Variants in PRKCH observed in about 807,000 individuals in gnomAD.
PRKCH encodes the protein protein kinase C eta, also known as protein kinase C eta type.
In PRKCH, 28 loss-of-function variants were observed where a neutral mutation model predicts 82.5. The ratio of observed to expected loss-of-function variants is 0.34; its 90% CI spans 0.25 to 0.47. The LOEUF is 0.47. Among genes scored for constraint, PRKCH ranks in the 20% least tolerant of loss-of-function variants. The pLI, the probability that PRKCH is intolerant of heterozygous loss-of-function variation, is 1.00. For missense variants in PRKCH, 705 were observed against 881.8 expected, an observed-to-expected ratio of 0.80 and a Z score of 2.54; for synonymous variants, 322 against 327.4, an observed-to-expected ratio of 0.98 and a Z score of 0.18.
chr14:61,385,505 C>T (rs370004387), intron 1 of PRKCH, among the ~76,000 whole-genome samples: 4 of 152,314 alleles, frequency 2.6e-5, no homozygotes, highest in African/African-American at 7.2e-5. Flanking sequence ...CAGCCTGGGT[C>T]ACTGGGGCTT....
At chr14:61,388,147 C>CAAAAAAA (rs569642184) in intron 1 of PRKCH, among the ~76,000 whole-genome samples, 1 of 87,920 alleles carries the variant, frequency 1.1e-5, no homozygotes, top group Non-Finnish European at 2.4e-5. Flanking sequence ...GACTCTGTCT[C>CAAAAAAA]AAAAAAAAAA....
chr14:61,478,188 G>A (rs1462909778), intron 9 of PRKCH, among the ~76,000 whole-genome samples: 1 of 152,204 alleles, frequency 6.6e-6, no homozygotes, highest in Non-Finnish European at 1.5e-5. Flanking sequence ...ACTATTCAAA[G>A]CCCTTAGCTT....
chr14:61,217,686 G>A, intron 1 of PRKCH, among the ~76,000 whole-genome samples: 1 of 152,170 alleles, frequency 6.6e-6, no homozygotes, highest in Admixed American at 6.5e-5. Context: ...TGTACCAGAA[G>A]AAGTTGGGGC....
chr14:61,344,523 A>T (rs2045967773), intron 1 of PRKCH: 1 of 152,264 alleles, frequency 6.6e-6, no homozygotes, highest in African/African-American at 2.4e-5. Flanking sequence ...AGAGGAAAAG[A>T]GCCACAAGCA....
chr14:61,457,403 A>G, intron 8 of PRKCH, 84 bp downstream of exon 8: 1 of 1,588,632 alleles, frequency 6.3e-7, no homozygotes, highest in East Asian at 2.2e-5. Flanking sequence ...GCATGCGCAC[A>G]TACTCACATT....
chr14:61,202,045 A>C (rs2044485739), intron 1 of PRKCH, among the ~76,000 whole-genome samples: 1 of 152,206 alleles, frequency 6.6e-6, no homozygotes, highest in Admixed American at 6.5e-5. Flanking sequence ...CGGTAAATCT[A>C]CATCTAGGTT....
chr14:61,278,599 TAGC>T (rs2140090493), intron 1 of PRKCH: 1 of 152,354 alleles, frequency 6.6e-6, no homozygotes, highest in Admixed American at 6.5e-5. Context: ...ATAGCTGTAA[TAGC>T]AGGCACTGAA....
At chr14:61,276,225 A>G (rs906305194) in intron 1 of PRKCH, among the ~76,000 whole-genome samples, 4 of 151,454 alleles carry the variant, frequency 2.6e-5, no homozygotes, top group Admixed American at 6.6e-5. Context: ...TTTCCTGGGG[A>G]AAAAAAAATT....
chr14:61,239,282 T>C (rs1457069007), intron 1 of PRKCH, among the ~76,000 whole-genome samples: 2 of 152,234 alleles, frequency 1.3e-5, no homozygotes, highest in East Asian at 3.8e-4. Flanking sequence ...CTGATGATAC[T>C]GCAAGGCTCT....
chr14:61,204,596 A>C (rs2044507590), intron 1 of PRKCH, among the ~76,000 whole-genome samples: 1 of 152,014 alleles, frequency 6.6e-6, no homozygotes, highest in Non-Finnish European at 1.5e-5. Context: ...CTCTACAAAA[A>C]TAAGAAACAA....
chr14:61,295,175 A>G (rs72725885), intron 1 of PRKCH, among the ~76,000 whole-genome samples: 19,467 of 152,196 alleles, frequency 0.13, 1,388 homozygotes, highest in Admixed American at 0.18. Flanking sequence ...TCTTGTACCT[A>G]TCTTCTAAAA....
intron 1 of PRKCH, among the ~76,000 whole-genome samples, chr14:61,232,016 A>G (rs956019222): frequency 6.6e-6 from 1 of 152,108 alleles, no homozygotes; most frequent in Non-Finnish European, 1.5e-5. Flanking sequence ...CAGATCCCAC[A>G]AGTTGAGGGT....
At chr14:61,536,042 A>C (rs1566933532) in intron 12 of PRKCH, among the ~76,000 whole-genome samples, 1 of 152,240 alleles carries the variant, frequency 6.6e-6, no homozygotes, top group Non-Finnish European at 1.5e-5. Context: ...CCATCTTCAC[A>C]AATGAAGGGA....
chr14:61,278,844 C>T (rs1413781500), intron 1 of PRKCH: 1 of 152,084 alleles, frequency 6.6e-6, no homozygotes, highest in Admixed American at 6.5e-5. Flanking sequence ...ATCTAGTTTA[C>T]ATATAAGACT....
chr14:61,377,364 C>A lies in PRKCH; in HGVS notation c.364-13861C>A, dbSNP rs113502430. On this transcript the variant is annotated intron_variant, in intron 1 of 13. Coordinates refer to ENST00000332981, the MANE Select transcript of PRKCH (RefSeq NM_006255.5). ...TGAGAAAAATTCCCAAATGATAACC[C>A]CAGCCGTATGTTTAACTACATGATT... 8.6e-3 allele frequency among the ~76,000 whole-genome samples: 1,309 copies of A among 152,312 alleles called. 17 individuals are homozygous for A. The highest frequency in any genetic ancestry group is 0.03 in the African/African-American group (1,250 of 41,558).
chr14:61,506,659 G>GA lies in PRKCH; in HGVS notation c.1433+21010dup, dbSNP rs201535706. On this transcript the variant is annotated intron_variant, in intron 10 of 13. Transcript: ENST00000332981. ...CTTTATTCTCAGGCTACCAAGAAAA[G>GA]AAAAAAATGCTAAGAAGCAGGGACC... Among the ~76,000 whole-genome samples the GA allele has an allele frequency of 6.9e-3, 1,055 of 152,074 alleles. 9 individuals carry two copies. The highest frequency in any genetic ancestry group is 0.024 in the Middle Eastern group (7 of 294).
chr14:61,372,416 T>C (rs1292907650), intron 1 of PRKCH, among the ~76,000 whole-genome samples: 1 of 152,114 alleles, frequency 6.6e-6, no homozygotes, highest in African/African-American at 2.4e-5. Context: ...TGTTTTCAAC[T>C]CCGATACAGT....
At chr14:61,456,929 C>A in intron 7 of PRKCH, 1 of 393,720 alleles carries the variant, frequency 2.5e-6, no homozygotes, top group Non-Finnish European at 4.6e-6. Flanking sequence ...CACTTGAGCG[C>A]TAACTGTAAC....
intron 1 of PRKCH, among the ~76,000 whole-genome samples, chr14:61,246,974 T>C (rs1254240366): frequency 6.6e-6 from 1 of 152,138 alleles, no homozygotes; most frequent in Non-Finnish European, 1.5e-5. Flanking sequence ...CAATGGTTAT[T>C]TGAGAAACAG....
Sources: gnomAD v4.1 joint callset for allele counts (sites outside exome capture counted in the v4.1 genomes callset) on GRCh38, gnomAD v4.1.1 for gene constraint, MANE v1.5 for transcripts, NCBI Gene and HGNC (gene_info 2026-07-23, HGNC 2026-07-21) for gene names.